TNFSF4: variants seen among roughly 807,000 people sequenced by gnomAD.
TNFSF4 encodes the protein tumor necrosis factor ligand superfamily member 4.
A neutral mutation model predicts 7.3 loss-of-function variants in TNFSF4; 4 were observed. The observed-to-expected ratio is 0.55, with a 90% CI of 0.27 to 1.25. The LOEUF (loss-of-function observed/expected upper bound fraction) is 1.25, where lower values mean the gene tolerates loss of function less well. Ranked by LOEUF, TNFSF4 falls within the 50% of genes most tolerant of loss-of-function variation. The pLI is 0.12. For missense variants in TNFSF4, 181 were observed against 208.8 expected (o/e 0.87, Z 0.82); for synonymous variants, 76 against 83.7 (o/e 0.91, Z 0.50).
At chr1:173,347,330 A>C in the TNFSF4 span, among the ~76,000 whole-genome samples, 3 of 152,134 alleles carry the variant, frequency 2.0e-5, no homozygotes, top group African/African-American at 7.3e-5. Context: ...ATTTTTATTT[A>C]AAGTAAATGT....
chr1:173,392,306 A>G, the TNFSF4 span, among the ~76,000 whole-genome samples: 2 of 152,236 alleles, frequency 1.3e-5, no homozygotes, highest in Admixed American at 6.5e-5. Flanking sequence ...GTGAATAAAC[A>G]CAGTACTCTT....
At chr1:173,206,786 G>A (rs929906937) in intron 1 of TNFSF4, among the ~76,000 whole-genome samples, 10 of 152,106 alleles carry the variant, frequency 6.6e-5, no homozygotes, top group African/African-American at 2.4e-4. Context: ...AAAAGAAAAA[G>A]ATCTAGAAGC....
chr1:173,181,881 A>C (rs1649061692), downstream of TNFSF4, among the ~76,000 whole-genome samples: 1 of 152,320 alleles, frequency 6.6e-6, no homozygotes, highest in Admixed American at 6.5e-5. Context: ...GGCTAGTTAC[A>C]AGGTATGCTG....
chr1:173,316,679 T>C, the TNFSF4 span, among the ~76,000 whole-genome samples: 3 of 152,056 alleles, frequency 2.0e-5, no homozygotes, highest in South Asian at 6.2e-4. Context: ...AAAAATAAAT[T>C]ACTAGACAAA....
chr1:173,229,112 C>G, the TNFSF4 span, among the ~76,000 whole-genome samples: 1 of 152,108 alleles, frequency 6.6e-6, no homozygotes, highest in Non-Finnish European at 1.5e-5. Flanking sequence ...AAGAGCAACC[C>G]TAAGACACAT....
chr1:173,219,476 C>A, the TNFSF4 span, among the ~76,000 whole-genome samples: 5 of 152,072 alleles, frequency 3.3e-5, no homozygotes, highest in Non-Finnish European at 7.4e-5. Flanking sequence ...AGTAGAGATT[C>A]CGTAAAGAAC....
chr1:173,432,228 C>T, the TNFSF4 span, among the ~76,000 whole-genome samples: 28,289 of 152,118 alleles, frequency 0.19, 2,707 homozygotes, highest in East Asian at 0.31. Context: ...CTCACAGCCA[C>T]CCGAGTCCAA....
At chr1:173,362,914 A>T in the TNFSF4 span, 7 of 474,082 alleles carry the variant, frequency 1.5e-5, no homozygotes, top group Admixed American at 1.4e-4. Flanking sequence ...CATAATCTAT[A>T]ATGTACTCGT....
the TNFSF4 span, among the ~76,000 whole-genome samples, chr1:173,333,773 T>C: frequency 6.6e-6 from 1 of 152,148 alleles, no homozygotes; most frequent in East Asian, 1.9e-4. Flanking sequence ...CAGTCTATGG[T>C]ATTTTGTTAT....
chr1:173,425,124 G>T, the TNFSF4 span, among the ~76,000 whole-genome samples: 2 of 113,826 alleles, frequency 1.8e-5, no homozygotes. Context: ...CTTTTAATTG[G>T]GTACAAAAGT....
the TNFSF4 span, among the ~76,000 whole-genome samples, chr1:173,305,491 T>G: frequency 2.6e-5 from 4 of 152,012 alleles, no homozygotes; most frequent in Non-Finnish European, 4.4e-5. Flanking sequence ...GTATAGTTGT[T>G]AGCCTGAAAT....
the TNFSF4 span, among the ~76,000 whole-genome samples, chr1:173,420,565 A>C: frequency 4.2e-3 from 640 of 152,106 alleles, 4 homozygotes; most frequent in South Asian, 0.026. Context: ...TGGCCAGTAG[A>C]CCCTACCCTC....
the TNFSF4 span, among the ~76,000 whole-genome samples, chr1:173,259,696 AACC>A: frequency 6.6e-6 from 1 of 152,242 alleles, no homozygotes; most frequent in Non-Finnish European, 1.5e-5. Context: ...TTCATAAGAC[AACC>A]ACAAGTATCA....
the TNFSF4 span, among the ~76,000 whole-genome samples, chr1:173,347,030 G>A: frequency 6.6e-6 from 1 of 152,216 alleles, no homozygotes; most frequent in African/African-American, 2.4e-5. Context: ...GTGTAGCCAC[G>A]ATATTTGCTA....
the TNFSF4 span, among the ~76,000 whole-genome samples, chr1:173,267,025 G>C: frequency 6.6e-6 from 1 of 152,142 alleles, no homozygotes; most frequent in Non-Finnish European, 1.5e-5. Flanking sequence ...ATACTCATAT[G>C]CTTTCCATTA....
chr1:173,186,475 G>A lies in TNFSF4; in HGVS notation c.*41C>T. The A allele has an allele frequency of 6.7e-7, 1 of 1,496,116 alleles. No homozygotes were observed. The highest frequency in any genetic ancestry group is 1.4e-5 in the African/African-American group (1 of 72,698). The allele number at this position is 1,496,116 out of a possible 1,614,324, so 92.7% of individuals were successfully genotyped here. The stretch of plus-strand genomic sequence containing the variant: ...ATGCCCTGTCCACCCCCAGCTTGGT[G>A]TTCATGCTGGTGCCTGGTTTTAGAT... On this transcript the variant is annotated 3_prime_UTR_variant, in exon 3 of 3. Transcript: ENST00000281834.
chr1:173,201,058 T>C (rs1649921805), intron 1 of TNFSF4, among the ~76,000 whole-genome samples: 1 of 152,236 alleles, frequency 6.6e-6, no homozygotes, highest in African/African-American at 2.4e-5. Flanking sequence ...ATGATATGCC[T>C]CTTATAAATC....
the TNFSF4 span, among the ~76,000 whole-genome samples, chr1:173,266,989 G>A: frequency 6.6e-6 from 1 of 152,022 alleles, no homozygotes; most frequent in African/African-American, 2.4e-5. Flanking sequence ...GACATCTAGT[G>A]TTCTCAATGT....
At chr1:173,196,901 C>A (rs746264637) in intron 1 of TNFSF4, among the ~76,000 whole-genome samples, 1 of 152,156 alleles carries the variant, frequency 6.6e-6, no homozygotes, top group Non-Finnish European at 1.5e-5. Flanking sequence ...GTAATATTCT[C>A]AGATCAGCTT....
Sources: allele counts gnomAD v4.1 joint callset (sites outside exome capture counted in the v4.1 genomes callset), GRCh38; gene constraint gnomAD v4.1.1; transcripts MANE v1.5; gene names NCBI Gene and HGNC (gene_info 2026-07-23, HGNC 2026-07-21).